Variants in CACNA2D3 observed in about 807,000 individuals in gnomAD.
CACNA2D3 encodes the protein voltage-dependent calcium channel subunit alpha-2/delta-3.
Under a neutral mutation model 160.6 loss-of-function variants are expected in CACNA2D3, and 60 were observed. That is an observed-to-expected ratio of 0.37 (90% CI 0.30 to 0.46). CACNA2D3 has a LOEUF of 0.46. Among genes scored for constraint, CACNA2D3 ranks in the 20% least tolerant of loss-of-function variants. The probability of loss-of-function intolerance (pLI) is 1.00; values close to 1 mark genes in which losing one functional copy is unlikely to be tolerated. For missense variants in CACNA2D3, 1,205 were observed against 1,365.0 expected (o/e 0.88, Z 1.85); for synonymous variants, 558 against 492.9 (o/e 1.13, Z -1.75).
At chr3:54,211,009 T>C (rs1247149884) in intron 2 of CACNA2D3, among the ~76,000 whole-genome samples, 1 of 152,190 alleles carries the variant, frequency 6.6e-6, no homozygotes, top group Non-Finnish European at 1.5e-5. Flanking sequence ...GTCTTAAGCG[T>C]CAAACAGGTA....
At chr3:54,999,583 A>T (rs568540335) in intron 31 of CACNA2D3, among the ~76,000 whole-genome samples, 1 of 152,226 alleles carries the variant, frequency 6.6e-6, no homozygotes, top group Admixed American at 6.5e-5. Flanking sequence ...CTGTTTCAAG[A>T]TTGTTTTTAG....
chr3:54,648,634 G>A (rs1050053342), intron 11 of CACNA2D3, among the ~76,000 whole-genome samples: 11 of 152,150 alleles, frequency 7.2e-5, no homozygotes, highest in East Asian at 1.9e-4. Flanking sequence ...TCCATTCTGC[G>A]TTAGCATAAA....
intron 27 of CACNA2D3, among the ~76,000 whole-genome samples, chr3:54,959,774 T>G (rs1490650640): frequency 6.6e-6 from 1 of 152,194 alleles, no homozygotes; most frequent in Non-Finnish European, 1.5e-5. Context: ...TTGAAAACTT[T>G]ATTGAAATAA....
At chr3:54,400,171 G>A (rs58314153) in intron 4 of CACNA2D3, among the ~76,000 whole-genome samples, 1,472 of 145,610 alleles carry the variant, frequency 0.01, 32 homozygotes, top group East Asian at 0.073. Flanking sequence ...CGCACGGTGC[G>A]CACACACACT....
intron 9 of CACNA2D3, among the ~76,000 whole-genome samples, chr3:54,608,482 T>C (rs1489372052): frequency 6.6e-6 from 1 of 152,210 alleles, no homozygotes; most frequent in Admixed American, 6.5e-5. Context: ...GAAGAGATGT[T>C]ACGAAAATCA....
intron 4 of CACNA2D3, among the ~76,000 whole-genome samples, chr3:54,411,727 C>T (rs924088106): frequency 1.3e-5 from 2 of 152,100 alleles, no homozygotes; most frequent in African/African-American, 4.8e-5. Context: ...TACAGTATCT[C>T]TGAGGTATGC....
intron 2 of CACNA2D3, among the ~76,000 whole-genome samples, chr3:54,127,290 G>A (rs55872079): frequency 0.035 from 5,382 of 152,226 alleles, 295 homozygotes; most frequent in African/African-American, 0.12. Context: ...TACCAAACAC[G>A]CACATCTTGG....
In CACNA2D3 at chr3:54,160,624, A is replaced by G. The variant is rs531236997; in HGVS notation, c.204+37030A>G. 2.4e-4 allele frequency among the ~76,000 whole-genome samples: 36 copies of G among 152,368 alleles called. No homozygotes were observed. The Middle Eastern group carries it at 0.01, about 43-fold the overall frequency. ...TTGATCATTTAGAAAAGTTTCCTTTAGCTTCACTGCTTGTTACTGGCATTG... is the reference window on the plus strand; with the variant it reads ...TTGATCATTTAGAAAAGTTTCCTTTGGCTTCACTGCTTGTTACTGGCATTG... On this transcript the variant is annotated intron_variant, in intron 2 of 37. Transcript: ENST00000474759.
At chr3:54,432,253 CT>C (rs1559479714) in intron 4 of CACNA2D3, among the ~76,000 whole-genome samples, 1 of 152,106 alleles carries the variant, frequency 6.6e-6, no homozygotes, top group Admixed American at 6.5e-5. Context: ...CCTTCTGAAC[CT>C]TCTAATTTTT....
intron 4 of CACNA2D3, among the ~76,000 whole-genome samples, chr3:54,414,568 T>G (rs1699723655): frequency 6.6e-6 from 1 of 152,136 alleles, no homozygotes; most frequent in South Asian, 2.1e-4. Flanking sequence ...TTGCCGCTTA[T>G]GTGTTTAGAA....
intron 4 of CACNA2D3, among the ~76,000 whole-genome samples, chr3:54,429,087 C>G (rs1483666295): frequency 6.6e-6 from 1 of 152,134 alleles, no homozygotes; most frequent in Non-Finnish European, 1.5e-5. Flanking sequence ...AAAGCCAGCC[C>G]TCTCTGGTAT....
chr3:54,964,945 C>G (rs1171759602), intron 27 of CACNA2D3, among the ~76,000 whole-genome samples: 1 of 152,034 alleles, frequency 6.6e-6, no homozygotes, highest in African/African-American at 2.4e-5. Flanking sequence ...TAGGCCCTTT[C>G]CCTAGCACTT....
At chr3:54,993,052 G>A (rs558870828) in intron 31 of CACNA2D3, among the ~76,000 whole-genome samples, 1 of 152,272 alleles carries the variant, frequency 6.6e-6, no homozygotes, top group East Asian at 1.9e-4. Context: ...ACCAAGGGGG[G>A]AAATCTGCCC....
chr3:54,186,574 T>C (rs1559875709), intron 2 of CACNA2D3, among the ~76,000 whole-genome samples: 2 of 152,206 alleles, frequency 1.3e-5, no homozygotes, highest in African/African-American at 4.8e-5. Context: ...TTTTTCTCTT[T>C]TCACCCAGGC....
In CACNA2D3 at chr3:54,151,309, G is replaced by T. The variant is rs182070137; in HGVS notation, c.204+27715G>T. Among the ~76,000 whole-genome samples, 60 of 152,246 alleles carry T rather than the reference G, an allele frequency of 3.9e-4. 1 individual carries two copies. Among genetic ancestry groups the T allele is most frequent in the African/African-American group, 1.3e-3 (54 of 41,542 alleles). ...TGGATGTAGGGACGGATAATGGATGGATGGGTGAATGGATGGATGGAGAGA... is the reference window on the plus strand; with the variant it reads ...TGGATGTAGGGACGGATAATGGATGTATGGGTGAATGGATGGATGGAGAGA... On this transcript the variant is annotated intron_variant, in intron 2 of 37. Transcript: ENST00000474759.
intron 2 of CACNA2D3, among the ~76,000 whole-genome samples, chr3:54,188,929 A>G (rs1247649676): frequency 1.3e-5 from 2 of 152,200 alleles, no homozygotes; most frequent in Non-Finnish European, 2.9e-5. Flanking sequence ...AACTCAGGAT[A>G]ATGGATTTGG....
intron 10 of CACNA2D3, among the ~76,000 whole-genome samples, chr3:54,629,671 C>G (rs1699192609): frequency 6.6e-6 from 1 of 152,198 alleles, no homozygotes; most frequent in African/African-American, 2.4e-5. Flanking sequence ...CCGGCGAGGA[C>G]AGAGGACTAG....
At chr3:54,366,074 C>T (rs1327860625) in intron 3 of CACNA2D3, among the ~76,000 whole-genome samples, 1 of 152,174 alleles carries the variant, frequency 6.6e-6, no homozygotes, top group Non-Finnish European at 1.5e-5. Context: ...CAATATAATA[C>T]AGATGCAGCA....
intron 11 of CACNA2D3, among the ~76,000 whole-genome samples, chr3:54,708,953 T>C (rs1700903578): frequency 6.6e-6 from 1 of 152,076 alleles, no homozygotes; most frequent in Non-Finnish European, 1.5e-5. Context: ...CAATTTTAAA[T>C]AACTATTTTT....
Sources: allele counts gnomAD v4.1 joint callset (sites outside exome capture counted in the v4.1 genomes callset), GRCh38; gene constraint gnomAD v4.1.1; transcripts MANE v1.5; gene names NCBI Gene and HGNC (gene_info 2026-07-23, HGNC 2026-07-21).